The following QTGAL variants were observed in gnomAD, a reference collection of about 807,000 sequenced individuals.
QTGAL encodes the protein BGnT-like protein 1.
the QTGAL span, among the ~76,000 whole-genome samples, chr17:82,956,130 T>C: frequency 2.0e-5 from 3 of 151,898 alleles, no homozygotes; most frequent in Non-Finnish European, 4.4e-5. The surrounding 1 kb of genome is among the most constrained non-coding windows in gnomAD (Gnocchi z 5.7). Context: ...CAAATCTTCA[T>C]GTTCAGCACA....
the QTGAL span, among the ~76,000 whole-genome samples, chr17:82,962,334 G>A: frequency 5.3e-5 from 8 of 152,250 alleles, no homozygotes; most frequent in African/African-American, 1.7e-4. Flanking sequence ...AGATTTGTAA[G>A]AAGATGCTGA....
At chr17:82,960,997 C>T in the QTGAL span, 2,107 of 1,555,194 alleles carry the variant, frequency 1.4e-3, 11 homozygotes, top group Non-Finnish European at 1.1e-3. Flanking sequence ...GCCCCGACCT[C>T]GGGCGCCTCC....
the QTGAL span, among the ~76,000 whole-genome samples, chr17:82,970,018 ACT>A: frequency 6.6e-6 from 1 of 152,162 alleles, no homozygotes; most frequent in Non-Finnish European, 1.5e-5. Context: ...CACCAAGGAA[ACT>A]CTCAGAACGA....
the QTGAL span, among the ~76,000 whole-genome samples, chr17:83,045,281 T>C: frequency 6.1e-4 from 93 of 152,230 alleles, no homozygotes; most frequent in Non-Finnish European, 1.1e-3. Context: ...AATGAATCCA[T>C]ACGTTTATGG....
At chr17:82,955,892 A>C in the QTGAL span, among the ~76,000 whole-genome samples, 1 of 151,892 alleles carries the variant, frequency 6.6e-6, no homozygotes, top group Non-Finnish European at 1.5e-5. Context: ...GCAAACTAAC[A>C]CAGGAACAGA....
the QTGAL span, chr17:82,961,215 G>C: frequency 6.3e-7 from 1 of 1,594,334 alleles, no homozygotes; most frequent in Non-Finnish European, 8.5e-7. Flanking sequence ...CATCACTGGG[G>C]CCCCAGAAAC....
At chr17:82,966,944 G>A in the QTGAL span, among the ~76,000 whole-genome samples, 2 of 152,160 alleles carry the variant, frequency 1.3e-5, no homozygotes. Flanking sequence ...TGTACGTTCG[G>A]CGAACACTAA....
chr17:82,995,592 CAGGA>C, the QTGAL span, among the ~76,000 whole-genome samples: 2 of 152,054 alleles, frequency 1.3e-5, no homozygotes, highest in South Asian at 4.2e-4. Context: ...CTATGTTAAC[CAGGA>C]TGGGTCTCGA....
the QTGAL span, among the ~76,000 whole-genome samples, chr17:82,970,571 C>CACAGCGTGG: frequency 1.2e-3 from 169 of 141,614 alleles, 22 homozygotes; most frequent in African/African-American, 4.5e-3. Flanking sequence ...GACCTCCGCA[C>CACAGCGTGG]CCGGCGTGGC....
At chr17:83,028,601 A>T in the QTGAL span, among the ~76,000 whole-genome samples, 2 of 152,128 alleles carry the variant, frequency 1.3e-5, no homozygotes, top group African/African-American at 4.8e-5. Flanking sequence ...CCACAGTGAG[A>T]CACACATCAG....
the QTGAL span, among the ~76,000 whole-genome samples, chr17:82,959,482 G>C: frequency 6.6e-6 from 1 of 151,704 alleles, no homozygotes; most frequent in African/African-American, 2.4e-5. Context: ...GTGTGTGTGA[G>C]AACCTGGGTG....
At chr17:83,008,487 C>T in the QTGAL span, among the ~76,000 whole-genome samples, 2 of 152,128 alleles carry the variant, frequency 1.3e-5, no homozygotes, top group South Asian at 2.1e-4. Context: ...TGTGAGGGGA[C>T]ACGGGGGGCT....
chr17:83,007,792 T>G, the QTGAL span, among the ~76,000 whole-genome samples: 1 of 152,260 alleles, frequency 6.6e-6, no homozygotes, highest in South Asian at 2.1e-4. Flanking sequence ...CCTGTGAAAC[T>G]AGAGGCCCGA....
the QTGAL span, chr17:82,949,852 T>C: frequency 0.58 from 87,759 of 151,950 alleles, 25,464 homozygotes; most frequent in East Asian, 0.63. Context: ...GATAGGGAAA[T>C]AATAATGGAT....
At chr17:83,041,771 A>T in the QTGAL span, among the ~76,000 whole-genome samples, 1 of 152,264 alleles carries the variant, frequency 6.6e-6, no homozygotes, top group African/African-American at 2.4e-5. Context: ...TAAAGTTGAA[A>T]CATGGTAAGT....
At chr17:82,946,088 T>C in the QTGAL span, among the ~76,000 whole-genome samples, 1 of 152,200 alleles carries the variant, frequency 6.6e-6, no homozygotes, top group Non-Finnish European at 1.5e-5. Flanking sequence ...TAGGTGCATG[T>C]TGAAGTATTT....
At chr17:83,027,453 C>T in the QTGAL span, among the ~76,000 whole-genome samples, 6 of 152,102 alleles carry the variant, frequency 3.9e-5, no homozygotes, top group Non-Finnish European at 7.4e-5. Context: ...TCGGGGTGAG[C>T]AAAAGTTTAT....
the QTGAL span, among the ~76,000 whole-genome samples, chr17:83,022,305 C>T: frequency 1.3e-5 from 2 of 149,216 alleles, no homozygotes; most frequent in African/African-American, 4.9e-5. Context: ...CCAGCGTGAA[C>T]TCACATGAGC....
chr17:82,994,289 A>G, the QTGAL span, among the ~76,000 whole-genome samples: 1 of 152,150 alleles, frequency 6.6e-6, no homozygotes, highest in South Asian at 2.1e-4. Context: ...ACCCAAATAA[A>G]ATCAGGGATG....
Sources: gnomAD v4.1 joint callset for allele counts (sites outside exome capture counted in the v4.1 genomes callset) on GRCh38, gnomAD v4.1.1 for gene constraint, Gnocchi (gnomAD v3.1) non-coding constraint, MANE v1.5 for transcripts, NCBI Gene and HGNC (gene_info 2026-07-23, HGNC 2026-07-21) for gene names.